ATXN2: variants seen among roughly 807,000 people sequenced by gnomAD.
ATXN2 encodes ataxin-2.
ATXN2 carries 37 observed loss-of-function variants against 138.6 expected under a neutral mutation model. The ratio of observed to expected loss-of-function variants is 0.27; its 90% CI spans 0.21 to 0.35. The LOEUF (loss-of-function observed/expected upper bound fraction) is 0.35. ATXN2 is among the 10% of genes least tolerant of loss of function. The probability of loss-of-function intolerance (pLI) is 1.00; values close to 1 mark genes in which losing one functional copy is unlikely to be tolerated. For missense variants in ATXN2, 1,216 were observed against 1,480.3 expected (o/e 0.82, Z 2.93); for synonymous variants, 549 against 543.7 (o/e 1.01, Z -0.13).
chr12:111,551,109 C>T (rs1469707774), intron 5 of ATXN2, among the ~76,000 whole-genome samples: 2 of 152,002 alleles, frequency 1.3e-5, no homozygotes, highest in Admixed American at 6.6e-5. Flanking sequence ...CCATCCTGGC[C>T]AACATGGTGA....
At chr12:111,595,640 C>CA (rs35562762) in intron 1 of ATXN2, among the ~76,000 whole-genome samples, 9,278 of 79,292 alleles carry the variant, frequency 0.12, 1,015 homozygotes, top group East Asian at 0.6. Context: ...GACTCTGTCT[C>CA]AAAAAAAAAA....
At chr12:111,464,788 C>A in intron 20 of ATXN2, 73 bp from the exon 21 acceptor site, 2 of 1,172,554 alleles carry the variant, frequency 1.7e-6, no homozygotes, top group Non-Finnish European at 2.5e-6. Context: ...GAAAGGTTGA[C>A]ATATTAGTAA....
chr12:111,538,741 G>A (rs1214470673), intron 5 of ATXN2, among the ~76,000 whole-genome samples: 1 of 150,214 alleles, frequency 6.7e-6, no homozygotes, highest in Non-Finnish European at 1.5e-5. Flanking sequence ...AATGGTATCA[G>A]TTAAAATGGT....
chr12:111,567,603 C>T (rs555303002), intron 1 of ATXN2, among the ~76,000 whole-genome samples: 2 of 152,088 alleles, frequency 1.3e-5, no homozygotes, highest in Admixed American at 1.3e-4. Flanking sequence ...CACCTGAGGT[C>T]AGGAATTCGA....
chr12:111,550,002 C>T (rs953447942), intron 5 of ATXN2, among the ~76,000 whole-genome samples: 2 of 145,240 alleles, frequency 1.4e-5, no homozygotes, highest in Non-Finnish European at 3.0e-5. Flanking sequence ...GCAGAGGTTG[C>T]GGTGAGCCGA....
intron 1 of ATXN2, among the ~76,000 whole-genome samples, chr12:111,565,682 G>A (rs1012657159): frequency 6.6e-6 from 1 of 152,030 alleles, no homozygotes; most frequent in African/African-American, 2.4e-5. Flanking sequence ...TCTATTCCCT[G>A]AGATATAACA....
At position 111,592,020 on chromosome 12, in the gene ATXN2, T is replaced by G. The variant is rs574956216; in HGVS notation, c.251+6764A>C. Among the ~76,000 whole-genome samples the G allele has an allele frequency of 5.3e-5, 8 of 149,750 alleles. No individual in the cohort carries two copies. The South Asian group carries it at 1.7e-3, about 32-fold the overall frequency. ...TCGCTTGAACCCGGGAAACAGAGGT[T>G]GCAGTGAGCTGAGATTGCACCACTG... is the stretch of plus-strand genomic sequence containing the variant. On this transcript the variant is annotated intron_variant, in intron 1 of 24. Transcript: ENST00000673436.
Position 111,509,879 on chromosome 12 carries a change from T to G in ATXN2, c.1864+12A>C. 1 of 1,581,142 alleles carries G rather than the reference T, an allele frequency of 6.3e-7. No homozygotes were observed. The highest frequency in any genetic ancestry group is 8.7e-7 in the Non-Finnish European group (1 of 1,151,412). On this transcript the variant is annotated intron_variant, in intron 13 of 24. Transcript: ENST00000673436. Reference sequence around the variant, plus strand: ...TCCTACAGTTAAGCTTAATGACTCTTTAAACTCTAACCTTTGTTTTCAGCT... The same window carrying G: ...TCCTACAGTTAAGCTTAATGACTCTGTAAACTCTAACCTTTGTTTTCAGCT...
chr12:111,574,056 G>T (rs953153548), intron 1 of ATXN2, among the ~76,000 whole-genome samples: 1 of 151,488 alleles, frequency 6.6e-6, no homozygotes, highest in Non-Finnish European at 1.5e-5. Context: ...GGTGATTCAA[G>T]CCTGCAATCC....
In ATXN2 at chr12:111,457,379, A is replaced by G; in HGVS notation, c.2897-20T>C. ...TGGAAACTAAAGTGAAAGAAAAAGG[A>G]GCATGTACACAACCGATGTCTGACA... On this transcript the variant is annotated intron_variant, in intron 21 of 24. Coordinates refer to ENST00000673436, the MANE Select transcript of ATXN2 (RefSeq NM_001372574.1). 2 of 1,598,690 alleles carry G rather than the reference A, an allele frequency of 1.3e-6. No individual in the cohort carries two copies. Among genetic ancestry groups the G allele is most frequent in the South Asian group, 1.1e-5 (1 of 89,034 alleles).
At chr12:111,497,108 T>C (rs770641602) in intron 14 of ATXN2, among the ~76,000 whole-genome samples, 4 of 152,026 alleles carry the variant, frequency 2.6e-5, no homozygotes, top group African/African-American at 4.8e-5. Flanking sequence ...TTGGAAAACC[T>C]TGAAGAAATG....
chr12:111,584,250 C>G (rs1256881954), intron 1 of ATXN2, among the ~76,000 whole-genome samples: 1 of 150,664 alleles, frequency 6.6e-6, no homozygotes, highest in Non-Finnish European at 1.5e-5. Context: ...GGCATGGTAG[C>G]GTGCTCCTGT....
In ATXN2 at chr12:111,486,744, GA is replaced by G; in HGVS notation, c.2304+16del. On this transcript the variant is annotated intron_variant, in intron 16 of 24. Transcript: ENST00000673436. ...TTTTTTGGGACTAGATAACCTCAAAGAAAGTAATAAACCTACCTGAGAGAAG... is the reference window on the plus strand; with the variant it reads ...TTTTTTGGGACTAGATAACCTCAAAGAAGTAATAAACCTACCTGAGAGAAG... 1.9e-6 allele frequency: 3 copies of G among 1,594,886 alleles called. No homozygotes were observed. The highest frequency in any genetic ancestry group is 2.2e-5 in the South Asian group (2 of 89,784).
chr12:111,517,545 T>C (rs147751122), intron 9 of ATXN2, among the ~76,000 whole-genome samples: 113 of 152,294 alleles, frequency 7.4e-4, no homozygotes, highest in African/African-American at 2.6e-3. Context: ...ATACCATCCA[T>C]AGAACTGTTG....
intron 1 of ATXN2, among the ~76,000 whole-genome samples, chr12:111,575,443 C>T (rs1246162763): frequency 2.0e-5 from 3 of 151,994 alleles, no homozygotes; most frequent in Non-Finnish European, 2.9e-5. Context: ...CTCCCCATGA[C>T]GTGGGGAGGT....
In ATXN2 at chr12:111,541,780, T is replaced by C. The variant is rs991307068; in HGVS notation, c.571+10500A>G. Reference sequence around the variant, plus strand: ...TTGTCAATTTCTACAAAAACGGATATATATATATATATTATAAAAATTTTT... The same window carrying C: ...TTGTCAATTTCTACAAAAACGGATACATATATATATATTATAAAAATTTTT... On this transcript the variant is annotated intron_variant, in intron 5 of 24. Transcript: ENST00000673436. 1.9e-3 allele frequency among the ~76,000 whole-genome samples: 287 copies of C among 148,090 alleles called. 22 individuals carry two copies. Among genetic ancestry groups the C allele is most frequent in the East Asian group, 3.7e-3 (19 of 5,176 alleles).
chr12:111,581,540 CCCGA>C lies in ATXN2; in HGVS notation c.251+17240_251+17243del, dbSNP rs1592925912. 6 of 992,528 alleles carry C rather than the reference CCCGA, an allele frequency of 6.0e-6. No homozygotes were observed. In the East Asian group the frequency reaches 1.2e-4, roughly 20 times the overall value. 61.5% of individuals were successfully genotyped at this position (992,528 alleles called of 1,614,324 possible). ...CCCCATCCACAGCGAGAACTCCGTG[CCCGA>C]CCATGTCGTCTGGTCCCTGTTCAAC... On this transcript the variant is annotated intron_variant, in intron 1 of 24. Transcript: ENST00000673436.
intron 1 of ATXN2, among the ~76,000 whole-genome samples, chr12:111,558,856 C>A (rs1882521652): frequency 6.6e-6 from 1 of 150,960 alleles, no homozygotes; most frequent in Admixed American, 6.6e-5. Context: ...GGTTGTAAAT[C>A]AAACAAGAAT....
At position 111,452,777 on chromosome 12, in the gene ATXN2, AGG is replaced by A. The variant is rs1874751582; in HGVS notation, c.*33_*34del. 6.3e-7 allele frequency: 1 copy of A among 1,593,238 alleles called. No homozygotes were observed. The highest frequency in any genetic ancestry group is 1.1e-5 in the South Asian group (1 of 90,606). ...GTTGGTAGAAGCAGTAGAAGGGAGG[AGG>A]GAATTTGGCCTTTCGGTTCCTCCAG... is the stretch of plus-strand genomic sequence containing the variant. On this transcript the variant is annotated 3_prime_UTR_variant, in exon 25 of 25. Transcript: ENST00000673436.
Sources: allele counts gnomAD v4.1 joint callset (sites outside exome capture counted in the v4.1 genomes callset), GRCh38; gene constraint gnomAD v4.1.1; transcripts MANE v1.5; gene names NCBI Gene and HGNC (gene_info 2026-07-23, HGNC 2026-07-21).